The following SNX14 variants were observed in gnomAD, a reference collection of about 807,000 sequenced individuals.
The protein encoded by SNX14 is sorting nexin-14.
A neutral mutation model predicts 133.8 loss-of-function variants in SNX14; 93 were observed. The observed-to-expected ratio is 0.70, with a 90% CI of 0.59 to 0.83. The LOEUF (loss-of-function observed/expected upper bound fraction) is 0.83. Among genes scored for constraint, SNX14 ranks in the 40% least tolerant of loss-of-function variants. The pLI, the probability that SNX14 is intolerant of heterozygous loss-of-function variation, is 0.00. For synonymous variants in SNX14, 368 were observed against 365.6 expected, an observed-to-expected ratio of 1.01 and a Z score of -0.07; for missense variants, 945 against 1,094.9, an observed-to-expected ratio of 0.86 and a Z score of 1.93.
intron 18 of SNX14, among the ~76,000 whole-genome samples, chr6:85,531,308 T>C (rs1280096556): frequency 6.6e-6 from 1 of 152,198 alleles, no homozygotes; most frequent in African/African-American, 2.4e-5. Flanking sequence ...ATAACAATAA[T>C]TGTGTCTATC....
At chr6:85,574,641 A>T (rs1268903941) in intron 1 of SNX14, among the ~76,000 whole-genome samples, 1 of 152,240 alleles carries the variant, frequency 6.6e-6, no homozygotes, top group Non-Finnish European at 1.5e-5. Context: ...AGTCTATACT[A>T]CATTCTTCCA....
chr6:85,542,093 T>C (rs1295540108), intron 14 of SNX14, 50 bp from the exon 15 acceptor site: 1 of 1,255,470 alleles, frequency 8.0e-7, no homozygotes, highest in Non-Finnish European at 1.1e-6. Flanking sequence ...ACAATTAACA[T>C]TAAAACATGT....
chr6:85,588,747 A>G (rs1016003827), intron 1 of SNX14: 1 of 353,434 alleles, frequency 2.8e-6, no homozygotes, highest in African/African-American at 2.1e-5. Context: ...CAATACAGTA[A>G]TAGTTGGTTA....
chr6:85,567,519 A>G lies in SNX14; in HGVS notation c.461+15T>C, dbSNP rs1279131119. 6.6e-7 allele frequency: 1 copy of G among 1,510,124 alleles called. No homozygotes were observed. Among genetic ancestry groups the G allele is most frequent in the East Asian group, 2.5e-5 (1 of 39,274 alleles). The allele number at this position is 1,510,124 out of a possible 1,614,324, so 93.5% of individuals were successfully genotyped here. A position where few individuals can be genotyped will look rare whatever the true frequency, so the allele number is the denominator to read the frequency against. ...ACTGTATCACAGAAAAAAAGATCTT[A>G]TAGAAAGAACATACCTGTACCACGG... On this transcript the variant is annotated intron_variant, in intron 5 of 28. Coordinates refer to ENST00000314673, the MANE Select transcript of SNX14 (RefSeq NM_153816.6).
chr6:85,552,373 A>G (rs1211126401), intron 7 of SNX14, among the ~76,000 whole-genome samples: 1 of 152,160 alleles, frequency 6.6e-6, no homozygotes, highest in Non-Finnish European at 1.5e-5. Context: ...ATTGAAATAG[A>G]ATGCAAGCAT....
chr6:85,533,704 T>G lies in SNX14; in HGVS notation c.1705A>C (p.Ile569Leu). 6.2e-7 allele frequency: 1 copy of G among 1,614,004 alleles called. No homozygotes were observed. Among genetic ancestry groups the G allele is most frequent in the Non-Finnish European group, 8.5e-7 (1 of 1,180,006 alleles). The part of the protein sequence containing the change: ...PRNLAAWKIS[I>L]PYVDFFEDPS... ...TCCTCAAAAAAGTCTACATATGGAA[T>G]GCTAATTTTCCATGCAGCAAGGTTT... is the stretch of plus-strand genomic sequence containing the variant. The change falls in exon 18 of 29, where the codon ATT (isoleucine) becomes CTT (leucine). Residue 569 changes from isoleucine to leucine, a missense_variant. Physicochemically the swap from Ile to Leu is conservative, Grantham distance 5. Coordinates refer to ENST00000314673, the MANE Select transcript of SNX14 (RefSeq NM_153816.6).
At chr6:85,527,194 T>C (rs987557316) in intron 20 of SNX14, among the ~76,000 whole-genome samples, 17 of 152,168 alleles carry the variant, frequency 1.1e-4, no homozygotes, top group African/African-American at 4.1e-4. Context: ...TTAATTTAAA[T>C]CCATATTACA....
Position 85,567,536 on chromosome 6 carries a change from G to T in SNX14, c.459C>A (p.Tyr153Ter), listed in dbSNP as rs1794269749. The change falls in exon 5 of 29, where the codon TAC (tyrosine) becomes TAA (stop). Residue 153 changes from tyrosine (Y) to a stop codon, truncating the protein, a stop_gained and splice_region_variant. Transcript: ENST00000314673. LOFTEE classifies it high-confidence loss of function. The part of the protein sequence containing the change: ...LVLENFVYPW[Y>*]RDVTDDESFV... Reference sequence around the variant, plus strand: ...AAGATCTTATAGAAAGAACATACCTGTACCACGGATAAACAAAGTTTTCCA... The same window carrying T: ...AAGATCTTATAGAAAGAACATACCTTTACCACGGATAAACAAAGTTTTCCA... The T allele has an allele frequency of 2.0e-6, 3 of 1,502,498 alleles. No individual in the cohort carries two copies. The highest frequency in any genetic ancestry group is 2.6e-6 in the Non-Finnish European group (3 of 1,133,590). 93.1% of individuals were successfully genotyped at this position (1,502,498 alleles called of 1,614,324 possible). A position where few individuals can be genotyped will look rare whatever the true frequency, so the allele number is the denominator to read the frequency against.
chr6:85,524,190 A>AAAAGAAAGAAAG (rs142252854), intron 21 of SNX14, among the ~76,000 whole-genome samples: 2 of 151,802 alleles, frequency 1.3e-5, no homozygotes, highest in Non-Finnish European at 2.9e-5. Context: ...TCCATCTCAA[A>AAAAGAAAGAAAG]AAAGAAAGAA....
chr6:85,517,539 C>T (rs1030755286), intron 23 of SNX14: 4 of 394,776 alleles, frequency 1.0e-5, no homozygotes, highest in Non-Finnish European at 1.7e-5. Context: ...CATCAGTTTG[C>T]AAATATAGTA....
intron 23 of SNX14, among the ~76,000 whole-genome samples, chr6:85,517,148 A>G (rs1427280070): frequency 6.6e-6 from 1 of 152,212 alleles, no homozygotes; most frequent in Admixed American, 6.5e-5. Context: ...CGACTAAATA[A>G]AAATTTTCTA....
At chr6:85,520,634 A>T (rs1273435066) in intron 21 of SNX14, among the ~76,000 whole-genome samples, 1 of 152,228 alleles carries the variant, frequency 6.6e-6, no homozygotes, top group Non-Finnish European at 1.5e-5. Flanking sequence ...CTGGGACTAC[A>T]GGTGTGAGCC....
At chr6:85,520,361 AC>A (rs1394400751) in intron 21 of SNX14, among the ~76,000 whole-genome samples, 12 of 132,560 alleles carry the variant, frequency 9.1e-5, no homozygotes, top group African/African-American at 3.1e-4. Context: ...ATTATTTTTT[AC>A]CTTTTTTTTT....
intron 1 of SNX14, among the ~76,000 whole-genome samples, chr6:85,591,707 T>C (rs2128249713): frequency 6.6e-6 from 1 of 152,242 alleles, no homozygotes; most frequent in African/African-American, 2.4e-5. Flanking sequence ...TAAGAATCCA[T>C]GGACAAAAGT....
chr6:85,573,156 C>T (rs1796226636), intron 2 of SNX14, among the ~76,000 whole-genome samples: 1 of 152,130 alleles, frequency 6.6e-6, no homozygotes, highest in Admixed American at 6.6e-5. Flanking sequence ...CAAGATACTA[C>T]ACCAACTTAA....
At chr6:85,583,866 T>C (rs1217168125) in intron 1 of SNX14, among the ~76,000 whole-genome samples, 6 of 152,084 alleles carry the variant, frequency 3.9e-5, no homozygotes, top group Admixed American at 6.6e-5. Context: ...CAAGCTACCA[T>C]TGACTTTCTT....
intron 19 of SNX14, 79 bp downstream of exon 19, chr6:85,530,112 TA>T: frequency 2.5e-6 from 2 of 806,514 alleles, no homozygotes; most frequent in Non-Finnish European, 2.0e-6. Flanking sequence ...TTACTTAAAA[TA>T]AAAAAATTAA....
rs112199582 is a variant in SNX14 at position 85,593,789 on chromosome 6, T to A, written c.-71A>T. The A allele has an allele frequency of 7.5e-6, 12 of 1,591,730 alleles. No individual in the cohort carries two copies. The African/African-American group carries it at 9.5e-5, about 13-fold the overall frequency. Reference sequence around the variant, plus strand: ...GTCAAGGCGACCCCCCATCCACACCTCGCGTCCCCGCCCCACCGACTTGGC... The same window carrying A: ...GTCAAGGCGACCCCCCATCCACACCACGCGTCCCCGCCCCACCGACTTGGC... On this transcript the variant is annotated 5_prime_UTR_variant, in exon 1 of 29. Coordinates refer to ENST00000314673, the MANE Select transcript of SNX14 (RefSeq NM_153816.6).
intron 28 of SNX14, 97 bp downstream of exon 28, chr6:85,507,136 C>A (rs1349447863): frequency 9.8e-6 from 11 of 1,124,106 alleles, no homozygotes; most frequent in Non-Finnish European, 1.4e-5. Flanking sequence ...CCACAGAGAA[C>A]AGAGACAAGG....
Sources: gnomAD v4.1 joint callset for allele counts (sites outside exome capture counted in the v4.1 genomes callset) on GRCh38, gnomAD v4.1.1 for gene constraint, MANE v1.5 for transcripts, NCBI Gene and HGNC (gene_info 2026-07-23, HGNC 2026-07-21) for gene names.